The following VAMP7 variants were observed in gnomAD, a reference collection of about 807,000 sequenced individuals.
VAMP7 encodes the protein vesicle associated membrane protein 7, also known as vesicle-associated membrane protein 7.
Under a neutral mutation model 29.6 loss-of-function variants are expected in VAMP7, and 14 were observed. That is an observed-to-expected ratio of 0.47 (90% CI 0.31 to 0.74). VAMP7 has a LOEUF of 0.74. VAMP7 is among the 30% of genes least tolerant of loss of function. VAMP7 has a pLI of 0.05. For missense variants in VAMP7, 223 were observed against 262.4 expected, an observed-to-expected ratio of 0.85 and a Z score of 1.04; for synonymous variants, 95 against 88.1, an observed-to-expected ratio of 1.08 and a Z score of -0.44.
intron 6 of VAMP7, among the ~76,000 whole-genome samples, chrX:155,928,340 CA>C (rs2066500562): frequency 6.6e-6 from 1 of 152,140 alleles, no homozygotes; most frequent in Non-Finnish European, 1.5e-5. Flanking sequence ...CTTAAAACAA[CA>C]AAAATTTATT....
chrX:155,939,093 C>CTA (rs2066705494), intron 6 of VAMP7, among the ~76,000 whole-genome samples: 1 of 152,094 alleles, frequency 6.6e-6, no homozygotes, highest in African/African-American at 2.4e-5. Flanking sequence ...ATCTGTGGGA[C>CTA]CATACCAGAG....
intron 6 of VAMP7, among the ~76,000 whole-genome samples, chrX:155,936,105 C>G (rs1447158927): frequency 6.6e-6 from 1 of 152,126 alleles, no homozygotes. Context: ...GTCAGTCTGC[C>G]TCTACTGGGG....
intron 3 of VAMP7, among the ~76,000 whole-genome samples, chrX:155,896,082 C>A (rs968979760): frequency 6.6e-6 from 1 of 152,168 alleles, no homozygotes; most frequent in African/African-American, 2.4e-5. Context: ...AGGTTGGGGA[C>A]TGCTGATCTG....
At chrX:155,922,507 A>G (rs1317555977) in intron 6 of VAMP7, among the ~76,000 whole-genome samples, 1 of 152,004 alleles carries the variant, frequency 6.6e-6, no homozygotes, top group Non-Finnish European at 1.5e-5. Context: ...TTCAGTTAGT[A>G]TGGCAAATTA....
intron 5 of VAMP7, among the ~76,000 whole-genome samples, chrX:155,901,362 T>C (rs1266726226): frequency 1.3e-5 from 2 of 152,058 alleles, no homozygotes; most frequent in African/African-American, 2.4e-5. Context: ...TTTTATTCTT[T>C]TTTTTGTCAC....
rs1483061117 is a variant in VAMP7 at position 155,916,256 on chromosome X, CAT to C, written c.434-3556_434-3555del. Among the ~76,000 whole-genome samples the C allele has an allele frequency of 5.9e-5, 9 of 152,242 alleles. No individual in the cohort carries two copies. The East Asian group carries it at 1.7e-3, about 29-fold the overall frequency. On this transcript the variant is annotated intron_variant, in intron 5 of 7. Transcript: ENST00000286448. ...TTTTGAGCCTGTGTGTGTCTTTGCA[CAT>C]GAGATGGGTCTCCTGAATGCAGCAC...
At chrX:155,917,971 T>G (rs1296098291) in intron 5 of VAMP7, among the ~76,000 whole-genome samples, 1 of 152,180 alleles carries the variant, frequency 6.6e-6, no homozygotes, top group Admixed American at 6.5e-5. Context: ...AGCCTCTGGC[T>G]GGGGCTGCTG....
At chrX:155,924,375 C>T (rs2066439663) in intron 6 of VAMP7, among the ~76,000 whole-genome samples, 1 of 152,120 alleles carries the variant, frequency 6.6e-6, no homozygotes. Flanking sequence ...GTGCATCCAT[C>T]ACTACTAGCT....
rs2066716230 is a variant in VAMP7 at position 155,939,766 on chromosome X, C to T, written c.567C>T (p.Leu189=). The T allele has an allele frequency of 2.5e-6, 4 of 1,613,742 alleles. No homozygotes were observed. The East Asian group carries it at 6.7e-5, about 27-fold the overall frequency. Reference sequence around the variant, plus strand: ...CCATGTGTATGAAGAACCTCAAGCTCACTATTATCATCATCATCGTATCAA... The same window carrying T: ...CCATGTGTATGAAGAACCTCAAGCTTACTATTATCATCATCATCGTATCAA... ...ARAMCMKNLK[L]TIIIIIVSIV... is the part of the protein sequence containing the mutation. The change falls in exon 7 of 8, where the codon CTC becomes CTT. Residue 189 remains leucine, a synonymous_variant. Transcript: ENST00000286448.
chrX:155,922,859 G>A (rs980709748), intron 6 of VAMP7, among the ~76,000 whole-genome samples: 6 of 151,914 alleles, frequency 3.9e-5, no homozygotes, highest in Non-Finnish European at 8.8e-5. Context: ...CTTGCTGTTT[G>A]TTTCCTATTT....
At chrX:155,902,030 T>C (rs1013937567) in intron 5 of VAMP7, among the ~76,000 whole-genome samples, 1 of 152,160 alleles carries the variant, frequency 6.6e-6, no homozygotes, top group Non-Finnish European at 1.5e-5. Flanking sequence ...CATTTCTTTG[T>C]ATCCTCTTTT....
intron 1 of VAMP7, among the ~76,000 whole-genome samples, chrX:155,888,312 C>G (rs2065889260): frequency 6.6e-6 from 1 of 152,168 alleles, no homozygotes; most frequent in African/African-American, 2.4e-5. Context: ...TCCAGACAGA[C>G]TTGTATTAAA....
At chrX:155,924,165 C>T (rs1455930357) in intron 6 of VAMP7, among the ~76,000 whole-genome samples, 1 of 151,966 alleles carries the variant, frequency 6.6e-6, no homozygotes, top group Non-Finnish European at 1.5e-5. Context: ...TGTTTTTTAA[C>T]CATCTCTATT....
intron 6 of VAMP7, among the ~76,000 whole-genome samples, chrX:155,928,507 C>G (rs1451228267): frequency 1.3e-5 from 2 of 152,138 alleles, no homozygotes; most frequent in African/African-American, 2.4e-5. Context: ...TGGCTTGTGG[C>G]TATATCATTG....
chrX:155,914,247 TAAG>T (rs1439791902), intron 5 of VAMP7, among the ~76,000 whole-genome samples: 2 of 152,172 alleles, frequency 1.3e-5, no homozygotes, highest in African/African-American at 2.4e-5. Flanking sequence ...CTTATCAGCT[TAAG>T]GAGATTTTGG....
intron 6 of VAMP7, among the ~76,000 whole-genome samples, chrX:155,933,621 G>A (rs1163141944): frequency 6.6e-6 from 1 of 152,102 alleles, no homozygotes; most frequent in Non-Finnish European, 1.5e-5. Context: ...CTTGCTAGCA[G>A]TCTATCAATT....
chrX:155,926,554 G>C (rs2066469870), intron 6 of VAMP7, among the ~76,000 whole-genome samples: 1 of 152,144 alleles, frequency 6.6e-6, no homozygotes, highest in African/African-American at 2.4e-5. Context: ...AAATGTTATA[G>C]CTGGTTTAAT....
At chrX:155,890,604 G>A (rs148943688) in intron 2 of VAMP7, among the ~76,000 whole-genome samples, 2,336 of 149,742 alleles carry the variant, frequency 0.016, 14 homozygotes, top group Middle Eastern at 0.027. Flanking sequence ...CAGGTGATTC[G>A]CCTGCCTTGG....
At chrX:155,918,195 T>C (rs769027699) in intron 5 of VAMP7, among the ~76,000 whole-genome samples, 24 of 152,214 alleles carry the variant, frequency 1.6e-4, no homozygotes, top group Admixed American at 1.4e-3. Flanking sequence ...CTTCAGACTG[T>C]TGTGCTGGCA....
Sources: gnomAD v4.1 joint callset for allele counts (sites outside exome capture counted in the v4.1 genomes callset) on GRCh38, gnomAD v4.1.1 for gene constraint, MANE v1.5 for transcripts, NCBI Gene and HGNC (gene_info 2026-07-23, HGNC 2026-07-21) for gene names.